MORC1: variants seen among roughly 807,000 people sequenced by gnomAD.
MORC1 encodes the protein MORC family CW-type zinc finger 1.
MORC1 carries 59 observed loss-of-function variants against 134.9 expected under a neutral mutation model. That is an observed-to-expected ratio of 0.44 (90% confidence interval 0.35 to 0.54). MORC1 has a LOEUF of 0.54. Among genes scored for constraint, MORC1 ranks in the 20% least tolerant of loss-of-function variants. The pLI, the probability that MORC1 is intolerant of heterozygous loss-of-function variation, is 0.00. For synonymous variants in MORC1, 395 were observed against 391.7 expected (o/e 1.01, Z -0.10); for missense variants, 947 against 1,134.5 (o/e 0.83, Z 2.37).
intron 26 of MORC1, among the ~76,000 whole-genome samples, chr3:108,968,361 G>A (rs961740039): frequency 3.3e-5 from 5 of 152,232 alleles, no homozygotes; most frequent in Middle Eastern, 3.4e-3. Context: ...AAAGGCAAAC[G>A]TATGAACAAG....
rs148118262 is a variant in MORC1 at position 108,991,732 on chromosome 3, T to C, written c.2188-4783A>G. Among the ~76,000 whole-genome samples the C allele has an allele frequency of 1.8e-3, 278 of 152,316 alleles. 2 individuals are homozygous for C. Among genetic ancestry groups the C allele is most frequent in the African/African-American group, 5.9e-3 (247 of 41,572 alleles). On this transcript the variant is annotated intron_variant, in intron 21 of 27. Transcript: ENST00000232603. Reference sequence around the variant, plus strand: ...TGATCTCATGACACACGTGAATGTCTTGCTGAAACTTCAAATCCTCAGTCC... The same window carrying C: ...TGATCTCATGACACACGTGAATGTCCTGCTGAAACTTCAAATCCTCAGTCC...
At chr3:109,024,955 C>T (rs977626203) in intron 17 of MORC1, among the ~76,000 whole-genome samples, 13 of 152,150 alleles carry the variant, frequency 8.5e-5, no homozygotes, top group African/African-American at 3.1e-4. Context: ...TTACACTGAA[C>T]ATTGCATGGT....
At chr3:109,011,214 C>T (rs1001569048) in intron 17 of MORC1, among the ~76,000 whole-genome samples, 3 of 152,030 alleles carry the variant, frequency 2.0e-5, no homozygotes, top group Admixed American at 2.0e-4. Flanking sequence ...GACCACATCT[C>T]AAAAAACAAA....
At chr3:109,104,595 G>A (rs1950988091) in intron 3 of MORC1, among the ~76,000 whole-genome samples, 1 of 152,140 alleles carries the variant, frequency 6.6e-6, no homozygotes, top group Non-Finnish European at 1.5e-5. Flanking sequence ...GGAGGCTAAG[G>A]CAAGAGGATC....
In MORC1 at chr3:109,057,339, T is replaced by A; in HGVS notation, c.1175+4A>T. On this transcript the variant is annotated splice_donor_region_variant and intron_variant, in intron 13 of 27. Coordinates refer to ENST00000232603, the MANE Select transcript of MORC1 (RefSeq NM_014429.4). ...TATATCTCTGAAAGCAAAAACATACTCACAAGGACTTCAGTTTCAACTGTG... is the reference window on the plus strand; with the variant it reads ...TATATCTCTGAAAGCAAAAACATACACACAAGGACTTCAGTTTCAACTGTG... The A allele has an allele frequency of 6.2e-7, 1 of 1,605,480 alleles. No homozygotes were observed. Among genetic ancestry groups the A allele is most frequent in the Non-Finnish European group, 8.5e-7 (1 of 1,176,526 alleles).
chr3:109,057,365 A>G lies in MORC1; in HGVS notation c.1153T>C (p.Ser385Pro). 6.2e-7 allele frequency: 1 copy of G among 1,610,354 alleles called. No homozygotes were observed. The highest frequency in any genetic ancestry group is 8.5e-7 in the Non-Finnish European group (1 of 1,178,460). The change falls in exon 13 of 28, where the codon TCA becomes CCA. Residue 385 changes from serine to proline, a missense_variant. This residue lies in a region of MORC1 where 722 missense variants were observed against 817.0 expected (regional missense o/e 0.88). Transcript: ENST00000232603. ...CACAAGGACTTCAGTTTCAACTGTGAGCCCACTTTTTCATGCATTTTGATC... is the reference window on the plus strand; with the variant it reads ...CACAAGGACTTCAGTTTCAACTGTGGGCCCACTTTTTCATGCATTTTGATC... ...RLIKMHEKVG[S>P]QLKLKSLLGA... is the part of the protein sequence containing the mutation.
intron 24 of MORC1, among the ~76,000 whole-genome samples, chr3:108,974,535 T>G (rs1947494604): frequency 1.3e-5 from 2 of 152,098 alleles, no homozygotes; most frequent in African/African-American, 4.8e-5. Context: ...CATTTAAAGG[T>G]GGGCCAGGAG....
At chr3:109,071,577 A>T (rs1471542864) in intron 8 of MORC1, among the ~76,000 whole-genome samples, 1 of 152,190 alleles carries the variant, frequency 6.6e-6, no homozygotes, top group African/African-American at 2.4e-5. Context: ...AGGGAAAAAA[A>T]ATAGGTGGAG....
At chr3:109,057,316 T>C (rs1296546728) in intron 13 of MORC1, 27 bp downstream of exon 13, 3 of 1,598,430 alleles carry the variant, frequency 1.9e-6, no homozygotes, top group Admixed American at 3.5e-5. Flanking sequence ...TCTCTGCTTA[T>C]ATCTCTGAAA....
chr3:109,115,319 T>C (rs1311863038), intron 1 of MORC1, among the ~76,000 whole-genome samples: 1 of 122,900 alleles, frequency 8.1e-6, no homozygotes, highest in African/African-American at 3.2e-5. Context: ...GTTTAAAATG[T>C]ATTTTTAAAA....
At chr3:109,055,662 A>G (rs930186498) in intron 13 of MORC1, among the ~76,000 whole-genome samples, 1 of 152,152 alleles carries the variant, frequency 6.6e-6, no homozygotes, top group Non-Finnish European at 1.5e-5. Flanking sequence ...GCTCACCTCT[A>G]ACATAACATT....
At chr3:109,100,594 G>T in intron 4 of MORC1, 87 bp from the exon 5 acceptor site, 1 of 979,238 alleles carries the variant, frequency 1.0e-6, no homozygotes. Flanking sequence ...ACATTCCTCA[G>T]AACATCAGGA....
chr3:109,020,300 T>C (rs537506479), intron 17 of MORC1, among the ~76,000 whole-genome samples: 1 of 152,376 alleles, frequency 6.6e-6, no homozygotes, highest in East Asian at 1.9e-4. Context: ...AAAGTTATTC[T>C]AGACCCTTGT....
chr3:109,039,971 G>A (rs1949470695), intron 14 of MORC1, among the ~76,000 whole-genome samples: 1 of 151,988 alleles, frequency 6.6e-6, no homozygotes, highest in Non-Finnish European at 1.5e-5. Flanking sequence ...GCTGCTACAT[G>A]TAGAGAGGAA....
At chr3:109,038,140 T>G (rs1949423187) in intron 14 of MORC1, among the ~76,000 whole-genome samples, 1 of 152,242 alleles carries the variant, frequency 6.6e-6, no homozygotes, top group Non-Finnish European at 1.5e-5. Flanking sequence ...CCATTTTAAC[T>G]GGTATGAGAT....
chr3:109,036,847 C>A (rs1358295677), intron 14 of MORC1, among the ~76,000 whole-genome samples: 2 of 152,104 alleles, frequency 1.3e-5, no homozygotes, highest in African/African-American at 4.8e-5. Flanking sequence ...GCTTTTGGGG[C>A]TTTTAATTCA....
At chr3:109,080,793 C>G (rs1226784021) in intron 8 of MORC1, among the ~76,000 whole-genome samples, 1 of 151,920 alleles carries the variant, frequency 6.6e-6, no homozygotes, top group African/African-American at 2.4e-5. Context: ...TGGTATTTGC[C>G]CTTCTAAATA....
intron 12 of MORC1, among the ~76,000 whole-genome samples, chr3:109,058,644 T>G (rs1410041414): frequency 1.3e-5 from 2 of 152,072 alleles, no homozygotes; most frequent in African/African-American, 4.8e-5. Flanking sequence ...ATTAAACACA[T>G]GTATATCTAA....
intron 8 of MORC1, among the ~76,000 whole-genome samples, chr3:109,072,956 CACACACACAT>C (rs1374288132): frequency 0.018 from 1,073 of 60,016 alleles, 17 homozygotes; most frequent in Middle Eastern, 0.087. Flanking sequence ...CACACACACA[CACACACACAT>C]ACACACACAC....
Sources: allele counts gnomAD v4.1 joint callset (sites outside exome capture counted in the v4.1 genomes callset), GRCh38; gene constraint gnomAD v4.1.1; regional missense constraint gnomAD v4.1.1; transcripts MANE v1.5; gene names NCBI Gene and HGNC (gene_info 2026-07-23, HGNC 2026-07-21).